PACSIN1: variants seen among roughly 807,000 people sequenced by gnomAD.
PACSIN1 encodes protein kinase C and casein kinase substrate in neurons 1.
Under a neutral mutation model 59.5 loss-of-function variants are expected in PACSIN1, and 15 were observed. The observed-to-expected ratio is 0.25, with a 90% CI of 0.17 to 0.39. PACSIN1 has a LOEUF of 0.39. PACSIN1 is among the 10% of genes least tolerant of loss of function. PACSIN1 has a pLI of 1.00. For synonymous variants in PACSIN1, 210 were observed against 220.6 expected (o/e 0.95, Z 0.42); for missense variants, 420 against 580.2 (o/e 0.72, Z 2.84).
intron 1 of PACSIN1, among the ~76,000 whole-genome samples, chr6:34,490,834 G>A (rs1388932440): frequency 6.6e-6 from 1 of 152,164 alleles, no homozygotes; most frequent in Admixed American, 6.5e-5. Flanking sequence ...CAGCCCTGGC[G>A]TTTCTGCTTC....
In PACSIN1 at chr6:34,524,229, T is replaced by TGTAGCTGTG. The variant is rs1767446105; in HGVS notation, c.-63-2014_-63-2013insGTAGCTGTG. ...GGGTATTTTGGCCTGACATACCAGG[T>TGTAGCTGTG]CTCAGCTGTACTGTCCCTTCCCTCC... is the stretch of plus-strand genomic sequence containing the variant. On this transcript the variant is annotated intron_variant, in intron 1 of 9. Coordinates refer to ENST00000244458, the MANE Select transcript of PACSIN1 (RefSeq NM_020804.5). Among the ~76,000 whole-genome samples, 10 of 152,238 alleles carry TGTAGCTGTG rather than the reference T, an allele frequency of 6.6e-5. No individual in the cohort carries two copies. The South Asian group carries it at 1.0e-3, about 16-fold the overall frequency.
chr6:34,515,921 G>C lies in PACSIN1; in HGVS notation c.-63-10322G>C, dbSNP rs879791655. On this transcript the variant is annotated intron_variant, in intron 1 of 9. Coordinates refer to ENST00000244458, the MANE Select transcript of PACSIN1 (RefSeq NM_020804.5). The surrounding 1 kb of genome is among the most constrained non-coding windows in gnomAD (Gnocchi z 4.4). ...GGGCAGGGTGGGGTGCAGGGGAGGAGCTGGGCCCTCTGCCCCAACTCTGGG... is the reference window on the plus strand; with the variant it reads ...GGGCAGGGTGGGGTGCAGGGGAGGACCTGGGCCCTCTGCCCCAACTCTGGG... Among the ~76,000 whole-genome samples the C allele has an allele frequency of 5.9e-5, 9 of 151,968 alleles. No individual in the cohort carries two copies. Among genetic ancestry groups the C allele is most frequent in the Non-Finnish European group, 1.2e-4 (8 of 67,964 alleles).
rs141484794 is a variant in PACSIN1 at position 34,525,695 on chromosome 6, A to G, written c.-63-548A>G. On this transcript the variant is annotated intron_variant, in intron 1 of 9. Coordinates refer to ENST00000244458, the MANE Select transcript of PACSIN1 (RefSeq NM_020804.5). This position sits in a 1 kb window ranked among gnomAD's most constrained non-coding sequence, Gnocchi z 4.9. ...GGAGTACCCACCTCGGCCCTGGGGC[A>G]GCGCACGGCCTAGATTGGATAACCC... Among the ~76,000 whole-genome samples, 677 of 152,196 alleles carry G rather than the reference A, an allele frequency of 4.4e-3. 7 individuals carry two copies. The highest frequency in any genetic ancestry group is 0.015 in the African/African-American group (637 of 41,502).
In PACSIN1 at chr6:34,531,583, C is replaced by T; in HGVS notation, c.1038-17C>T. On this transcript the variant is annotated splice_polypyrimidine_tract_variant and intron_variant, in intron 8 of 9. Coordinates refer to ENST00000244458, the MANE Select transcript of PACSIN1 (RefSeq NM_020804.5). This position sits in a 1 kb window ranked among gnomAD's most constrained non-coding sequence, Gnocchi z 4.4. The stretch of plus-strand genomic sequence containing the variant: ...TACGGGGAGACATTGAAGCTGGCTC[C>T]TTCCTCCGCGTCTCAGTGTTAGCAG... 1 of 1,612,616 alleles carries T rather than the reference C, an allele frequency of 6.2e-7. No homozygotes were observed. Among genetic ancestry groups the T allele is most frequent in the East Asian group, 2.2e-5 (1 of 44,852 alleles).
intron 1 of PACSIN1, among the ~76,000 whole-genome samples, chr6:34,466,987 C>T (rs966648824): frequency 1.4e-4 from 22 of 152,166 alleles, no homozygotes; most frequent in African/African-American, 5.3e-4. Flanking sequence ...GGAGCTTGGC[C>T]AGACCCAGCT....
At chr6:34,497,166 T>G (rs778712483) in intron 1 of PACSIN1, among the ~76,000 whole-genome samples, 10 of 151,922 alleles carry the variant, frequency 6.6e-5, no homozygotes, top group Non-Finnish European at 1.3e-4. Context: ...GCCAGGCTGG[T>G]TTCGAACTCC....
intron 1 of PACSIN1, among the ~76,000 whole-genome samples, chr6:34,482,339 G>A (rs958219511): frequency 1.2e-4 from 18 of 152,266 alleles, no homozygotes; most frequent in Non-Finnish European, 2.1e-4. Context: ...GCCTGCCTCG[G>A]CCTCCCAAAG....
At chr6:34,528,998 C>A in intron 4 of PACSIN1, 121 bp downstream of exon 4, 1 of 751,174 alleles carries the variant, frequency 1.3e-6, no homozygotes, top group Non-Finnish European at 2.2e-6. Context: ...ATTGTGCCCA[C>A]AGGGGAGCAG....
rs1324361586 is a variant in PACSIN1 at position 34,532,527 on chromosome 6, C to G, written c.1332C>G (p.Ile444Met). 1 of 1,534,462 alleles carries G rather than the reference C, an allele frequency of 6.5e-7. No individual in the cohort carries two copies. Among genetic ancestry groups the G allele is most frequent in the Admixed American group, 2.0e-5 (1 of 50,602 alleles). The change falls in exon 10 of 10, where the codon ATC becomes ATG. Residue 444 changes from isoleucine (I) to methionine (M), a missense_variant. Coordinates refer to ENST00000244458, the MANE Select transcript of PACSIN1 (RefSeq NM_020804.5). This position sits in a 1 kb window ranked among gnomAD's most constrained non-coding sequence, Gnocchi z 5.2. The stretch of plus-strand genomic sequence containing the variant: ...ACCCTGCCAACTACGTGGAGGCTAT[C>G]TAGAGGCCCCCTCCCTCCATACTCC... ...GLYPANYVEA[I>M] is the part of the protein sequence containing the mutation.
rs1421784114 is a variant in PACSIN1, at chr6:34,518,234, G to A, written c.-63-8009G>A. On this transcript the variant is annotated intron_variant, in intron 1 of 9. Coordinates refer to ENST00000244458, the MANE Select transcript of PACSIN1 (RefSeq NM_020804.5). This position sits in a 1 kb window ranked among gnomAD's most constrained non-coding sequence, Gnocchi z 4.4. ...CTTCCTGGTCAGAACTCATCCTTGA[G>A]TTCCCTGTGTTGCAAAAACGTGCTG... Among the ~76,000 whole-genome samples the A allele has an allele frequency of 6.6e-6, 1 of 152,260 alleles. No individual in the cohort carries two copies. Among genetic ancestry groups the A allele is most frequent in the Non-Finnish European group, 1.5e-5 (1 of 68,048 alleles).
chr6:34,506,872 G>A (rs1767123952), intron 1 of PACSIN1, among the ~76,000 whole-genome samples: 1 of 152,174 alleles, frequency 6.6e-6, no homozygotes, highest in African/African-American at 2.4e-5. Context: ...GCTGGGTGCA[G>A]TGGAAGTCCT....
chr6:34,499,032 T>C (rs1206994749), intron 1 of PACSIN1, among the ~76,000 whole-genome samples: 3 of 152,018 alleles, frequency 2.0e-5, no homozygotes, highest in Admixed American at 6.6e-5. Context: ...TAGGGTACTT[T>C]GTTTCCATTA....
intron 1 of PACSIN1, among the ~76,000 whole-genome samples, chr6:34,479,108 C>T (rs527866461): frequency 6.6e-6 from 1 of 152,294 alleles, no homozygotes; most frequent in South Asian, 2.1e-4. Context: ...CCCCATAATC[C>T]AAACACCTCT....
chr6:34,504,418 G>A (rs527579329), intron 1 of PACSIN1, among the ~76,000 whole-genome samples: 3 of 151,780 alleles, frequency 2.0e-5, no homozygotes, highest in Non-Finnish European at 4.4e-5. Context: ...AGACTCCCGA[G>A]TAGCTAGGAT....
intron 1 of PACSIN1, among the ~76,000 whole-genome samples, chr6:34,509,496 G>A (rs1561964801): frequency 6.6e-6 from 1 of 152,156 alleles, no homozygotes; most frequent in Non-Finnish European, 1.5e-5. Flanking sequence ...TTGAAATCAG[G>A]AAGTATGGGG....
At chr6:34,496,474 C>CG (rs1766948843) in intron 1 of PACSIN1, among the ~76,000 whole-genome samples, 1 of 152,212 alleles carries the variant, frequency 6.6e-6, no homozygotes, top group South Asian at 2.1e-4. Context: ...AGAGGCTGCT[C>CG]GGCCTCCTCC....
chr6:34,531,455 T>G lies in PACSIN1; in HGVS notation c.1038-145T>G. The G allele has an allele frequency of 1.3e-6, 1 of 746,744 alleles. No individual in the cohort carries two copies. Among genetic ancestry groups the G allele is most frequent in the South Asian group, 1.7e-5 (1 of 57,554 alleles). The allele number at this position is 746,744 out of a possible 1,614,324, so 46.3% of individuals were successfully genotyped here. Reference sequence around the variant, plus strand: ...GCATTTAAACATCGGTTTAAAGAGCTCATGAGGGTCACCCCTCCTATGTGG... The same window carrying G: ...GCATTTAAACATCGGTTTAAAGAGCGCATGAGGGTCACCCCTCCTATGTGG... On this transcript the variant is annotated intron_variant, in intron 8 of 9. Transcript: ENST00000244458. This position sits in a 1 kb window ranked among gnomAD's most constrained non-coding sequence, Gnocchi z 4.4.
In PACSIN1 at chr6:34,527,505, A is replaced by C. The variant is rs1767510692; in HGVS notation, c.220+17A>C. ...TCGAGAAAGGTGCTCCCCCAGGCTC[A>C]CATCGTGCGCGCCCCCAGGCCGTCA... On this transcript the variant is annotated intron_variant, in intron 3 of 9. Transcript: ENST00000244458. 6.4e-7 allele frequency: 1 copy of C among 1,573,850 alleles called. No homozygotes were observed.
intron 1 of PACSIN1, among the ~76,000 whole-genome samples, chr6:34,491,064 C>A (rs1159869841): frequency 2.0e-5 from 3 of 152,128 alleles, no homozygotes; most frequent in Non-Finnish European, 4.4e-5. Context: ...GACCTTGACG[C>A]AGCCGACTCA....
Sources: gnomAD v4.1 joint callset for allele counts (sites outside exome capture counted in the v4.1 genomes callset) on GRCh38, gnomAD v4.1.1 for gene constraint, Gnocchi (gnomAD v3.1) non-coding constraint, MANE v1.5 for transcripts, NCBI Gene and HGNC (gene_info 2026-07-23, HGNC 2026-07-21) for gene names.